POMGNT1: variants seen among roughly 807,000 people sequenced by gnomAD.
POMGNT1 encodes the protein protein O-linked-mannose beta-1,2-N-acetylglucosaminyltransferase 1.
Under a neutral mutation model 95.6 loss-of-function variants are expected in POMGNT1, and 67 were observed. The observed-to-expected ratio is 0.70, with a 90% CI of 0.58 to 0.86. The LOEUF is 0.86. Ranked by LOEUF, POMGNT1 falls within the 40% of genes least tolerant of loss-of-function variation. The pLI is 0.00. For missense variants in POMGNT1, 719 were observed against 855.2 expected (o/e 0.84, Z 1.99); for synonymous variants, 298 against 317.9 (o/e 0.94, Z 0.66).
chr1:46,217,209 A>G (rs1659096353), intron 1 of POMGNT1, among the ~76,000 whole-genome samples: 1 of 152,202 alleles, frequency 6.6e-6, no homozygotes, highest in Non-Finnish European at 1.5e-5. Context: ...TTGTGCAGCA[A>G]GGACAGATGG....
At chr1:46,197,549 C>T (rs1279537359) in intron 2 of POMGNT1, 153 bp downstream of exon 2, 1 of 957,632 alleles carries the variant, frequency 1.0e-6, no homozygotes, top group East Asian at 1.2e-4. Context: ...CAAATCATTA[C>T]CTATAGGGAC....
chr1:46,189,840 TGG>T lies in POMGNT1; in HGVS notation c.1785+12_1785+13del. The T allele has an allele frequency of 6.2e-7, 1 of 1,613,568 alleles. No homozygotes were observed. The highest frequency in any genetic ancestry group is 8.5e-7 in the Non-Finnish European group (1 of 1,179,962). The stretch of plus-strand genomic sequence containing the variant: ...GGGGAGGGGTTCTCCAGGGTGGGCA[TGG>T]TATTGGAGCACCTTGGCAAGCTGGG... On this transcript the variant is annotated intron_variant, in intron 20 of 21. Transcript: ENST00000371984.
chr1:46,214,050 A>T (rs555482411), intron 1 of POMGNT1, among the ~76,000 whole-genome samples: 23 of 152,264 alleles, frequency 1.5e-4, no homozygotes, highest in African/African-American at 5.3e-4. Context: ...AATAAATAGG[A>T]AAAAGCAACT....
chr1:46,210,264 CTGTG>C (rs558204802), intron 1 of POMGNT1, among the ~76,000 whole-genome samples: 1 of 152,006 alleles, frequency 6.6e-6, no homozygotes, highest in Non-Finnish European at 1.5e-5. Flanking sequence ...AAACCCTAAA[CTGTG>C]TGTGTGTGTT....
intron 6 of POMGNT1, among the ~76,000 whole-genome samples, 164 bp from the exon 7 acceptor site, chr1:46,195,125 G>C (rs1658126021): frequency 6.6e-6 from 1 of 152,146 alleles, no homozygotes. Flanking sequence ...ATAACTGAAG[G>C]CTTAGAGATT....
rs748406845 is a variant in POMGNT1, at chr1:46,192,600, G to T, written c.1212-10C>A. The T allele has an allele frequency of 1.9e-6, 3 of 1,613,808 alleles. No individual in the cohort carries two copies. Among genetic ancestry groups the T allele is most frequent in the Non-Finnish European group, 2.5e-6 (3 of 1,179,950 alleles). On this transcript the variant is annotated splice_polypyrimidine_tract_variant and intron_variant, in intron 14 of 21. Coordinates refer to ENST00000371984, the MANE Select transcript of POMGNT1 (RefSeq NM_017739.4). Reference sequence around the variant, plus strand: ...GGATTGGCTCAGGAAACTGAGAGAGGCAGGGTCAAAGAGTTCAGGGAGGGA... The same window carrying T: ...GGATTGGCTCAGGAAACTGAGAGAGTCAGGGTCAAAGAGTTCAGGGAGGGA...
chr1:46,219,705 C>T (rs760127920), exon 1 of POMGNT1: 7 of 1,586,632 alleles, frequency 4.4e-6, no homozygotes, highest in Admixed American at 3.4e-5. Flanking sequence ...CCAGGCTTAC[C>T]TGCGAGCCAT....
chr1:46,191,909 C>T (rs1657797820), intron 17 of POMGNT1, 189 bp downstream of exon 17: 1 of 871,894 alleles, frequency 1.1e-6, no homozygotes, highest in South Asian at 1.6e-5. Flanking sequence ...GCTGGGATTA[C>T]AGGCGTGAGC....
At chr1:46,194,062 G>C in intron 9 of POMGNT1, 137 bp from the exon 10 acceptor site, 1 of 1,544,450 alleles carries the variant, frequency 6.5e-7, no homozygotes, top group Non-Finnish European at 8.8e-7. Context: ...CCCTGTTCTG[G>C]GCTCTCCACA....
In POMGNT1 at chr1:46,196,820, G is replaced by C. The variant is rs143033200; in HGVS notation, c.265C>G (p.Arg89Gly). The C allele has an allele frequency of 1.9e-6, 3 of 1,614,188 alleles. No individual in the cohort carries two copies. Among genetic ancestry groups the C allele is most frequent in the South Asian group, 2.2e-5 (2 of 91,074 alleles). ...CGCCGGGGACCACTGCCTCTGCGCC[G>C]TGGGGGCTCCAGGCGGCCTAGGGCC... is the stretch of plus-strand genomic sequence containing the variant. ...DEALGRLEPP[R>G]RRGSGPRRVL... The change falls in exon 4 of 22, where the codon CGG becomes GGG. Residue 89 changes from arginine (R) to glycine (G), a missense_variant. By Grantham distance (125) the Arg-to-Gly change is moderately radical. Transcript: ENST00000371984. This position sits in a 1 kb window ranked among gnomAD's most constrained non-coding sequence, Gnocchi z 4.4.
At chr1:46,215,184 C>T (rs949376284) in intron 1 of POMGNT1, among the ~76,000 whole-genome samples, 1 of 148,250 alleles carries the variant, frequency 6.7e-6, no homozygotes, top group African/African-American at 2.5e-5. Context: ...CAAGATCGCA[C>T]CATTGCACTC....
At chr1:46,208,182 A>G (rs1049491890) in intron 1 of POMGNT1, among the ~76,000 whole-genome samples, 1 of 151,986 alleles carries the variant, frequency 6.6e-6, no homozygotes, top group Non-Finnish European at 1.5e-5. Context: ...TAATAGAGAC[A>G]GGGTCTTGCT....
chr1:46,212,750 A>T (rs1658942457), intron 1 of POMGNT1, among the ~76,000 whole-genome samples: 1 of 150,716 alleles, frequency 6.6e-6, no homozygotes, highest in Non-Finnish European at 1.5e-5. Context: ...CTAATTTTTT[A>T]TTTTATTTTA....
At chr1:46,218,753 G>A (rs1056287936) in intron 1 of POMGNT1, among the ~76,000 whole-genome samples, 1 of 152,068 alleles carries the variant, frequency 6.6e-6, no homozygotes, top group Admixed American at 6.6e-5. Flanking sequence ...GTACAGACAG[G>A]TAGACTGGTG....
Position 46,196,654 on chromosome 1 carries a change from G to C in POMGNT1, c.354+77C>G. 6.2e-7 allele frequency: 1 copy of C among 1,610,826 alleles called. No individual in the cohort carries two copies. Among genetic ancestry groups the C allele is most frequent in the African/African-American group, 1.3e-5 (1 of 75,034 alleles). Reference sequence around the variant, plus strand: ...CTGGCAGAGTTGCAGTTCCCACTTAGGCAGTAGACCCTGCTGCCAGTGGAC... The same window carrying C: ...CTGGCAGAGTTGCAGTTCCCACTTACGCAGTAGACCCTGCTGCCAGTGGAC... On this transcript the variant is annotated intron_variant, in intron 4 of 21. Transcript: ENST00000371984. This position sits in a 1 kb window ranked among gnomAD's most constrained non-coding sequence, Gnocchi z 4.4.
At chr1:46,212,308 T>C (rs1198764111) in intron 1 of POMGNT1, among the ~76,000 whole-genome samples, 1 of 150,232 alleles carries the variant, frequency 6.7e-6, no homozygotes, top group Non-Finnish European at 1.5e-5. Flanking sequence ...TGAGACGGAG[T>C]CTTGCTATGT....
In POMGNT1 at chr1:46,196,996, T is replaced by C. The variant is rs775094882; in HGVS notation, c.209A>G (p.Glu70Gly). Residue 70 changes from glutamate (E) to glycine (G), a missense_variant, in exon 3 of 22, where the codon GAA (glutamate) becomes GGA (glycine). This residue lies in a region of POMGNT1 where 466 missense variants were observed against 517.4 expected (regional missense o/e 0.90). Transcript: ENST00000371984. This position sits in a 1 kb window ranked among gnomAD's most constrained non-coding sequence, Gnocchi z 4.4. ...ATAGTCTTGCTCTGGCTCTGGGTCTTCATTGGCTTCACTGATGGCTCGCCG... is the reference window on the plus strand; with the variant it reads ...ATAGTCTTGCTCTGGCTCTGGGTCTCCATTGGCTTCACTGATGGCTCGCCG... ...DTRRAISEANEDPEPEQDYDE... is the reference protein window; with the variant it reads ...DTRRAISEANGDPEPEQDYDE... 8 of 1,614,082 alleles carry C rather than the reference T, an allele frequency of 5.0e-6. No individual in the cohort carries two copies. The highest frequency in any genetic ancestry group is 6.8e-6 in the Non-Finnish European group (8 of 1,180,034).
Position 46,196,093 on chromosome 1 carries a change from G to C in POMGNT1, c.355-16C>G, listed in dbSNP as rs1571667841. 6.2e-7 allele frequency: 1 copy of C among 1,613,858 alleles called. No homozygotes were observed. Among genetic ancestry groups the C allele is most frequent in the Non-Finnish European group, 8.5e-7 (1 of 1,180,016 alleles). ...CCTCCAGCACCTACACAGTGGCAGA[G>C]ACAAAGTCCAGCTTTTCACTCTGGC... On this transcript the variant is annotated splice_polypyrimidine_tract_variant and intron_variant, in intron 4 of 21. Coordinates refer to ENST00000371984, the MANE Select transcript of POMGNT1 (RefSeq NM_017739.4). The surrounding 1 kb of genome is among the most constrained non-coding windows in gnomAD (Gnocchi z 4.4).
At chr1:46,208,993 C>A (rs984614286) in intron 1 of POMGNT1, among the ~76,000 whole-genome samples, 1 of 152,126 alleles carries the variant, frequency 6.6e-6, no homozygotes, top group Non-Finnish European at 1.5e-5. Context: ...TGCTCAGTCC[C>A]GAGCCAGCAG....
Sources: gnomAD v4.1 joint callset for allele counts (sites outside exome capture counted in the v4.1 genomes callset) on GRCh38, gnomAD v4.1.1 for gene constraint, gnomAD v4.1.1 regional missense constraint, Gnocchi (gnomAD v3.1) non-coding constraint, MANE v1.5 for transcripts, NCBI Gene and HGNC (gene_info 2026-07-23, HGNC 2026-07-21) for gene names.